FRYL: variants seen among roughly 807,000 people sequenced by gnomAD.
FRYL encodes FRY like transcription coactivator, also known as protein furry homolog-like.
Under a neutral mutation model 351.2 loss-of-function variants are expected in FRYL, and 150 were observed. The observed-to-expected ratio is 0.43, with a 90% CI of 0.37 to 0.49. The LOEUF is 0.49. Ranked by LOEUF, FRYL falls within the 20% of genes least tolerant of loss-of-function variation. The probability of loss-of-function intolerance (pLI) is 0.00; values close to 1 mark genes in which losing one functional copy is unlikely to be tolerated. For missense variants in FRYL, 3,036 were observed against 3,619.3 expected (o/e 0.84, Z 4.13); for synonymous variants, 1,153 against 1,257.1 (o/e 0.92, Z 1.75).
rs547865106 is a variant in FRYL, at chr4:48,761,632, T to C, written c.-384+18446A>G. Among the ~76,000 whole-genome samples, 12 of 152,324 alleles carry C rather than the reference T, an allele frequency of 7.9e-5. No individual in the cohort carries two copies. In the East Asian group the frequency reaches 2.1e-3, roughly 27 times the overall value. On this transcript the variant is annotated intron_variant, in intron 1 of 63. Transcript: ENST00000358350. ...TTAATCTTTTATGCCCTATGTCTAC[T>C]GTACTTTTCTTTGTTTAGATACAAG... is the stretch of plus-strand genomic sequence containing the variant.
intron 3 of FRYL, among the ~76,000 whole-genome samples, chr4:48,665,510 A>G (rs915208705): frequency 2.0e-5 from 3 of 152,236 alleles, no homozygotes; most frequent in African/African-American, 7.2e-5. Flanking sequence ...GCTCCCAGTT[A>G]CTGGATTTGT....
chr4:48,708,816 A>T (rs1767671614), intron 2 of FRYL, among the ~76,000 whole-genome samples: 1 of 150,376 alleles, frequency 6.6e-6, no homozygotes, highest in African/African-American at 2.4e-5. Context: ...CTGGTCTCAA[A>T]CTCTTGGCCT....
At chr4:48,529,447 C>T (rs764037303) in intron 50 of FRYL, among the ~76,000 whole-genome samples, 11 of 152,084 alleles carry the variant, frequency 7.2e-5, no homozygotes, top group African/African-American at 1.9e-4. Flanking sequence ...CTTCAAATAA[C>T]GATCGATTTC....
In FRYL at chr4:48,576,048, G is replaced by A. The variant is rs754181365; in HGVS notation, c.2703C>T (p.Gly901=). The change falls in exon 24 of 64, where the codon GGC becomes GGT. Residue 901 remains glycine (G), a synonymous_variant. Coordinates refer to ENST00000358350, the MANE Select transcript of FRYL (RefSeq NM_015030.2). ...PETLASTPDS[G]YSIDSKIIGI... is the part of the protein sequence containing the mutation. The stretch of plus-strand genomic sequence containing the variant: ...AACTTACTTTAGAATCAATGCTATA[G>A]CCGCTATCTGGGGTAGACGCCAGCG... 1.9e-6 allele frequency: 3 copies of A among 1,609,364 alleles called. No individual in the cohort carries two copies. Among genetic ancestry groups the A allele is most frequent in the Non-Finnish European group, 2.5e-6 (3 of 1,178,314 alleles).
At chr4:48,594,086 A>T in intron 15 of FRYL, 70 bp from the exon 16 acceptor site, 1 of 830,060 alleles carries the variant, frequency 1.2e-6, no homozygotes, top group Non-Finnish European at 1.8e-6. Flanking sequence ...TATAAATATA[A>T]TATACAATGA....
intron 56 of FRYL, 25 bp from the exon 57 acceptor site, chr4:48,512,713 T>C: frequency 6.6e-7 from 1 of 1,525,380 alleles, no homozygotes; most frequent in Non-Finnish European, 9.1e-7. Context: ...ATCATAAATA[T>C]CATAACACTA....
chr4:48,586,986 TAACA>T (rs1251438539), intron 18 of FRYL, among the ~76,000 whole-genome samples: 1 of 151,930 alleles, frequency 6.6e-6, no homozygotes, highest in Non-Finnish European at 1.5e-5. Context: ...CATTATTACA[TAACA>T]AATATTTAAA....
chr4:48,540,692 C>T lies in FRYL; in HGVS notation c.5956G>A (p.Gly1986Arg). Residue 1986 changes from glycine (G) to arginine (R), a missense_variant, in exon 46 of 64, where the codon GGA becomes AGA. Gly to Arg is a moderately radical substitution (Grantham distance 125, BLOSUM62 -2). Transcript: ENST00000358350. ...TRSLSSLREKGMYDVQSTTEP... is the reference protein window; with the variant it reads ...TRSLSSLREKRMYDVQSTTEP... ...GTAGTGGACTGCACGTCATACATTCCTTTCTCTCTTAGAGAGGAAAGGCTT... is the reference window on the plus strand; with the variant it reads ...GTAGTGGACTGCACGTCATACATTCTTTTCTCTCTTAGAGAGGAAAGGCTT... 6.2e-7 allele frequency: 1 copy of T among 1,614,036 alleles called. No individual in the cohort carries two copies. Among genetic ancestry groups the T allele is most frequent in the African/African-American group, 1.3e-5 (1 of 75,048 alleles).
rs535204690 is a variant in FRYL at position 48,557,107 on chromosome 4, T to C, written c.4137A>G (p.Glu1379=). 49 of 1,589,176 alleles carry C rather than the reference T, an allele frequency of 3.1e-5. 1 individual carries two copies. In the South Asian group the frequency reaches 5.6e-4, roughly 18 times the overall value. The change falls in exon 35 of 64, where the codon GAA becomes GAG. Residue 1379 remains glutamate, a synonymous_variant. Coordinates refer to ENST00000358350, the MANE Select transcript of FRYL (RefSeq NM_015030.2). ...CATTCTCCACCTCCGACCAGGCCAGTTCATCGCCATACTAGATGCAATATG... is the reference window on the plus strand; with the variant it reads ...CATTCTCCACCTCCGACCAGGCCAGCTCATCGCCATACTAGATGCAATATG... ...LMYMTAKYGD[E]LAWSEVENVW...
intron 1 of FRYL, among the ~76,000 whole-genome samples, chr4:48,720,324 G>T (rs148211921): frequency 6.6e-6 from 1 of 151,024 alleles, no homozygotes; most frequent in Non-Finnish European, 1.5e-5. Context: ...GACAAAACCC[G>T]GTCTCTACTA....
intron 3 of FRYL, among the ~76,000 whole-genome samples, chr4:48,652,362 G>T (rs915732827): frequency 6.6e-6 from 1 of 152,204 alleles, no homozygotes; most frequent in African/African-American, 2.4e-5. Flanking sequence ...AAACAGTACT[G>T]AGAGAAAGAT....
chr4:48,778,832 C>A (rs1776303791), intron 1 of FRYL, among the ~76,000 whole-genome samples: 1 of 151,634 alleles, frequency 6.6e-6, no homozygotes, highest in Non-Finnish European at 1.5e-5. Flanking sequence ...AACCCTTTTT[C>A]CCCCCCAATC....
chr4:48,539,751 G>A (rs1175715715), intron 47 of FRYL, among the ~76,000 whole-genome samples: 1 of 152,172 alleles, frequency 6.6e-6, no homozygotes, highest in Non-Finnish European at 1.5e-5. Flanking sequence ...ACTCAGAGGA[G>A]TGTTACTCTA....
chr4:48,615,491 T>C (rs976511929), intron 7 of FRYL, among the ~76,000 whole-genome samples: 7 of 152,250 alleles, frequency 4.6e-5, no homozygotes, highest in African/African-American at 1.7e-4. Flanking sequence ...TAAAATTCAA[T>C]ATTAAAAAGA....
In FRYL at chr4:48,592,082, T is replaced by TTATATATATATA. The variant is rs56320005; in HGVS notation, c.1336-1264_1336-1253dup. On this transcript the variant is annotated intron_variant, in intron 16 of 63. Transcript: ENST00000358350. Reference sequence around the variant, plus strand: ...GGAATACGGGAAGAAAATAAAGCTCTTATATATATATATATATATATATAT... The same window carrying TTATATATATATA: ...GGAATACGGGAAGAAAATAAAGCTCTTATATATATATATATATATATATATATATATATATAT... Among the ~76,000 whole-genome samples, 487 of 116,004 alleles carry TTATATATATATA rather than the reference T, an allele frequency of 4.2e-3. 9 individuals carry two copies. Among genetic ancestry groups the TTATATATATATA allele is most frequent in the African/African-American group, 6.4e-3 (142 of 22,176 alleles). 76.1% of individuals were successfully genotyped at this position (116,004 alleles called of 152,430 possible).
At chr4:48,742,063 T>C (rs1178345326) in intron 1 of FRYL, among the ~76,000 whole-genome samples, 1 of 152,126 alleles carries the variant, frequency 6.6e-6, no homozygotes, top group Admixed American at 6.5e-5. Context: ...TTGTAGCAAA[T>C]GTACCCCCCT....
intron 49 of FRYL, among the ~76,000 whole-genome samples, chr4:48,532,257 T>C (rs1454656192): frequency 6.6e-6 from 1 of 152,172 alleles, no homozygotes; most frequent in African/African-American, 2.4e-5. Flanking sequence ...AATTGGGTTA[T>C]CCAATTGAGT....
intron 3 of FRYL, among the ~76,000 whole-genome samples, chr4:48,679,226 G>A (rs1286617301): frequency 4.0e-5 from 6 of 151,794 alleles, no homozygotes; most frequent in Non-Finnish European, 5.9e-5. Flanking sequence ...TCAAATAAGC[G>A]AACAGTATAC....
Position 48,534,509 on chromosome 4 carries a change from T to C in FRYL, c.6705+36A>G, listed in dbSNP as rs180960693. The C allele has an allele frequency of 6.5e-5, 98 of 1,498,394 alleles. No homozygotes were observed. In the Middle Eastern group the frequency reaches 7.5e-4, roughly 11 times the overall value. 92.8% of individuals were successfully genotyped at this position (1,498,394 alleles called of 1,614,324 possible). ...TGTGTGATTATAAATCATTTTTAGA[T>C]GAAAAATGTTATATGTAAGTTTTGT... On this transcript the variant is annotated intron_variant, in intron 49 of 63. Transcript: ENST00000358350.
Sources: gnomAD v4.1 joint callset for allele counts (sites outside exome capture counted in the v4.1 genomes callset) on GRCh38, gnomAD v4.1.1 for gene constraint, MANE v1.5 for transcripts, NCBI Gene and HGNC (gene_info 2026-07-23, HGNC 2026-07-21) for gene names.